Variants in CDC42BPA observed in about 807,000 individuals in gnomAD.
The protein encoded by CDC42BPA is serine/threonine-protein kinase MRCK alpha.
CDC42BPA carries 80 observed loss-of-function variants against 223.5 expected under a neutral mutation model. The ratio of observed to expected loss-of-function variants is 0.36; its 90% CI spans 0.30 to 0.43. The LOEUF is 0.43. Among genes scored for constraint, CDC42BPA ranks in the 20% least tolerant of loss-of-function variants. CDC42BPA has a pLI of 1.00. For missense variants in CDC42BPA, 1,743 were observed against 2,099.9 expected, an observed-to-expected ratio of 0.83 and a Z score of 3.32; for synonymous variants, 694 against 718.6, an observed-to-expected ratio of 0.97 and a Z score of 0.55.
At chr1:227,040,602 T>A (rs1335907379) in intron 23 of CDC42BPA, among the ~76,000 whole-genome samples, 1 of 152,226 alleles carries the variant, frequency 6.6e-6, no homozygotes, top group African/African-American at 2.4e-5. Flanking sequence ...TTTATACTGA[T>A]ACAAATATAG....
intron 2 of CDC42BPA, among the ~76,000 whole-genome samples, chr1:227,226,032 G>C (rs1490545950): frequency 1.3e-5 from 2 of 152,200 alleles, no homozygotes; most frequent in African/African-American, 4.8e-5. Context: ...CTTGATTCAA[G>C]AGGCAAATGT....
intron 10 of CDC42BPA, among the ~76,000 whole-genome samples, chr1:227,132,588 G>T (rs1227418106): frequency 6.7e-6 from 1 of 148,448 alleles, no homozygotes; most frequent in Non-Finnish European, 1.5e-5. Flanking sequence ...CTGCCTGGCC[G>T]CCCATCGTCT....
At chr1:227,004,907 G>T in intron 35 of CDC42BPA, 87 bp downstream of exon 35, 1 of 901,066 alleles carries the variant, frequency 1.1e-6, no homozygotes, top group Non-Finnish European at 1.9e-6. Context: ...ACACGTAAGT[G>T]AAGGACATGT....
At chr1:227,254,246 T>G (rs887590794) in intron 1 of CDC42BPA, 91 bp from the exon 2 acceptor site, 1 of 637,768 alleles carries the variant, frequency 1.6e-6, no homozygotes, top group Non-Finnish European at 2.6e-6. Flanking sequence ...ACACAAAAAT[T>G]CAAATTATGA....
chr1:227,089,651 T>TA (rs67536577), intron 16 of CDC42BPA, among the ~76,000 whole-genome samples: 4,224 of 118,654 alleles, frequency 0.036, 201 homozygotes, highest in African/African-American at 0.12. Context: ...TTTTTTTTTT[T>TA]AAAAACAAAC....
chr1:227,057,640 C>A (rs989983533), intron 21 of CDC42BPA, among the ~76,000 whole-genome samples: 7 of 152,108 alleles, frequency 4.6e-5, no homozygotes, highest in Non-Finnish European at 7.4e-5. Flanking sequence ...AGATACTTAA[C>A]CAAAGAAAAA....
intron 16 of CDC42BPA, among the ~76,000 whole-genome samples, chr1:227,084,142 A>T (rs185793931): frequency 3.8e-4 from 58 of 152,282 alleles, no homozygotes; most frequent in African/African-American, 1.4e-3. Context: ...ATTATTTTTA[A>T]AATCCAGCTT....
chr1:227,230,536 G>A (rs1056739151), intron 2 of CDC42BPA, among the ~76,000 whole-genome samples: 9 of 151,948 alleles, frequency 5.9e-5, no homozygotes, highest in African/African-American at 2.2e-4. Flanking sequence ...TAGATCTTAT[G>A]CATTGTTAGG....
chr1:227,204,630 C>A (rs1672347115), intron 3 of CDC42BPA, among the ~76,000 whole-genome samples: 1 of 152,088 alleles, frequency 6.6e-6, no homozygotes, highest in Non-Finnish European at 1.5e-5. Context: ...CTCAGGGTAG[C>A]CCACACCAAT....
At chr1:227,004,248 C>T (rs1303485947) in intron 35 of CDC42BPA, 1 of 152,196 alleles carries the variant, frequency 6.6e-6, no homozygotes, top group African/African-American at 2.4e-5. Context: ...CTGCTTTTAA[C>T]TCTGAAAATA....
intron 35 of CDC42BPA, among the ~76,000 whole-genome samples, chr1:226,995,632 G>A (rs949942165): frequency 4.6e-5 from 7 of 152,288 alleles, no homozygotes; most frequent in African/African-American, 1.7e-4. Flanking sequence ...ATAAAAGTGA[G>A]GTTTTCTTCA....
Position 227,236,378 on chromosome 1 carries a change from CTA to C in CDC42BPA, c.270+17684_270+17685del, listed in dbSNP as rs772980563. On this transcript the variant is annotated intron_variant, in intron 2 of 36. Coordinates refer to ENST00000366766, the MANE Select transcript of CDC42BPA (RefSeq NM_001394014.1). Reference sequence around the variant, plus strand: ...CTCCCTTCAAAAAAAACAAATACCTCTATGTCTTGATTTTTTATCTGCTTATC... The same window carrying C: ...CTCCCTTCAAAAAAAACAAATACCTCTGTCTTGATTTTTTATCTGCTTATC... Among the ~76,000 whole-genome samples the C allele has an allele frequency of 2.6e-5, 4 of 152,246 alleles. No individual in the cohort carries two copies. The East Asian group carries it at 7.7e-4, about 29-fold the overall frequency.
At chr1:227,065,679 T>C (rs1162529146) in intron 21 of CDC42BPA, among the ~76,000 whole-genome samples, 4 of 152,172 alleles carry the variant, frequency 2.6e-5, no homozygotes, top group Non-Finnish European at 4.4e-5. Context: ...TTAAATAAAG[T>C]AACTACACTT....
chr1:227,209,177 G>A (rs1473721340), intron 3 of CDC42BPA, among the ~76,000 whole-genome samples: 1 of 142,870 alleles, frequency 7.0e-6, no homozygotes, highest in African/African-American at 2.6e-5. Context: ...TGGTGTATAA[G>A]AATGCTTGTG....
chr1:227,022,176 A>G (rs551004799), intron 32 of CDC42BPA, among the ~76,000 whole-genome samples: 1 of 152,358 alleles, frequency 6.6e-6, no homozygotes, highest in South Asian at 2.1e-4. Context: ...TCAGGCCTAT[A>G]ATCCCAGTAC....
In CDC42BPA at chr1:227,051,949, T is replaced by C. The variant is rs1673606575; in HGVS notation, c.2941A>G (p.Ser981Gly). 7.3e-7 allele frequency: 1 copy of C among 1,366,322 alleles called. No individual in the cohort carries two copies. Among genetic ancestry groups the C allele is most frequent in the Non-Finnish European group, 9.8e-7 (1 of 1,021,780 alleles). 84.6% of individuals were successfully genotyped at this position (1,366,322 alleles called of 1,614,324 possible). The change falls in exon 22 of 37, where the codon AGC (serine) becomes GGC (glycine). Residue 981 changes from serine (S) to glycine (G), a missense_variant. By Grantham distance (56) the Ser-to-Gly change is moderately conservative. Around this residue, in one of 6 missense-constraint regions of CDC42BPA, gnomAD observed 678 missense variants for 777.5 expected, o/e 0.87. Coordinates refer to ENST00000366766, the MANE Select transcript of CDC42BPA (RefSeq NM_001394014.1). ...CGTGACTGGATGTGAAACTTGACGC[T>C]CGGGTTCCATACATATGTGTTCTCA... ...PVENTYVWNP[S>G]VKFHIQSRST...
At chr1:227,132,227 T>G (rs2149529473) in intron 10 of CDC42BPA, among the ~76,000 whole-genome samples, 1 of 152,108 alleles carries the variant, frequency 6.6e-6, no homozygotes, top group East Asian at 1.9e-4. Context: ...CTCGGCTCAC[T>G]GCAACCTCCC....
At chr1:227,102,343 G>A (rs1183501908) in intron 14 of CDC42BPA, among the ~76,000 whole-genome samples, 1 of 152,148 alleles carries the variant, frequency 6.6e-6, no homozygotes, top group African/African-American at 2.4e-5. Flanking sequence ...ATCGTCCAAT[G>A]GTTTATGAGG....
At chr1:227,310,845 C>T (rs1317763148) in intron 1 of CDC42BPA, among the ~76,000 whole-genome samples, 4 of 137,936 alleles carry the variant, frequency 2.9e-5, no homozygotes, top group African/African-American at 1.1e-4. Flanking sequence ...CGTCACCGCG[C>T]CCGGCTAATT....
Sources: gnomAD v4.1 joint callset for allele counts (sites outside exome capture counted in the v4.1 genomes callset) on GRCh38, gnomAD v4.1.1 for gene constraint, gnomAD v4.1.1 regional missense constraint, MANE v1.5 for transcripts, NCBI Gene and HGNC (gene_info 2026-07-23, HGNC 2026-07-21) for gene names.